SCO1: variants seen among roughly 807,000 people sequenced by gnomAD.
SCO1 encodes synthesis of cytochrome C oxidase 1, also known as cytochrome c oxidase assembly factor SCO1.
SCO1 carries 23 observed loss-of-function variants against 34.0 expected under a neutral mutation model. The observed-to-expected ratio is 0.68, with a 90% CI of 0.49 to 0.96. The LOEUF (loss-of-function observed/expected upper bound fraction) is 0.96. Ranked by LOEUF, SCO1 falls within the 40% of genes least tolerant of loss-of-function variation. The pLI is 0.00. For missense variants in SCO1, 404 were observed against 381.6 expected (o/e 1.06, Z -0.49); for synonymous variants, 161 against 145.5 (o/e 1.11, Z -0.77).
Position 10,679,972 on chromosome 17 carries a change from G to GT in SCO1, c.*1146_*1147insA, listed in dbSNP as rs2074610436. 9.4e-6 allele frequency: 1 copy of GT among 105,892 alleles called. No individual in the cohort carries two copies. The highest frequency in any genetic ancestry group is 1.9e-5 in the Non-Finnish European group (1 of 53,758). 6.6% of individuals were successfully genotyped at this position (105,892 alleles called of 1,614,324 possible). ...TGTAGAGATGGGGGCGGGGGGGGGG[G>GT]GTCTCACTATGTTGCCCAGGCTTGT... On this transcript the variant is annotated 3_prime_UTR_variant, in exon 6 of 6. Transcript: ENST00000255390.
chr17:10,684,538 C>T (rs1273620452), intron 5 of SCO1, among the ~76,000 whole-genome samples: 1 of 152,238 alleles, frequency 6.6e-6, no homozygotes, highest in African/African-American at 2.4e-5. Context: ...GTCAATGTAA[C>T]TGAATGTTTT....
intron 2 of SCO1, 77 bp from the exon 3 acceptor site, chr17:10,693,038 C>T (rs1189599163): frequency 1.6e-6 from 2 of 1,228,178 alleles, no homozygotes; most frequent in African/African-American, 1.5e-5. Context: ...TGACATATGG[C>T]CCGTACTATG....
At chr17:10,685,777 A>G (rs2074651618) in intron 5 of SCO1, among the ~76,000 whole-genome samples, 1 of 152,244 alleles carries the variant, frequency 6.6e-6, no homozygotes, top group South Asian at 2.1e-4. Context: ...TCTTTTTAAA[A>G]TAAGTGTTGT....
Position 10,680,833 on chromosome 17 carries a change from C to T in SCO1, c.*286G>A, listed in dbSNP as rs1374745744. 9 of 484,074 alleles carry T rather than the reference C, an allele frequency of 1.9e-5. No individual in the cohort carries two copies. The highest frequency in any genetic ancestry group is 5.8e-5 in the African/African-American group (3 of 51,358). 30.0% of individuals were successfully genotyped at this position (484,074 alleles called of 1,614,324 possible). A position where few individuals can be genotyped will look rare whatever the true frequency, so the allele number is the denominator to read the frequency against. On this transcript the variant is annotated 3_prime_UTR_variant, in exon 6 of 6. Transcript: ENST00000255390. The stretch of plus-strand genomic sequence containing the variant: ...GGAATGCACTGGCTGTGCCTCGCCC[C>T]GCCATGTCCTTCCACAGGTGGGCTC...
chr17:10,673,510 G>A lies in SCO1; in HGVS notation c.*7609C>T, dbSNP rs753771985. 6.6e-6 allele frequency: 1 copy of A among 152,196 alleles called. No individual in the cohort carries two copies. Among genetic ancestry groups the A allele is most frequent in the East Asian group, 1.9e-4 (1 of 5,196 alleles). 9.4% of individuals were successfully genotyped at this position (152,196 alleles called of 1,614,324 possible). A position where few individuals can be genotyped will look rare whatever the true frequency, so the allele number is the denominator to read the frequency against. On this transcript the variant is annotated 3_prime_UTR_variant, in exon 6 of 6. Coordinates refer to ENST00000255390, the MANE Select transcript of SCO1 (RefSeq NM_004589.4). Reference sequence around the variant, plus strand: ...CTGAACGCTTGCCTGTCTCCGTTAGGAATGGAATGTAATCCTTGCAGGGCT... The same window carrying A: ...CTGAACGCTTGCCTGTCTCCGTTAGAAATGGAATGTAATCCTTGCAGGGCT...
At position 10,695,778 on chromosome 17, in the gene SCO1, C is replaced by T; in HGVS notation, c.327G>A (p.Leu109=). The T allele has an allele frequency of 6.2e-7, 1 of 1,613,690 alleles. No homozygotes were observed. Among genetic ancestry groups the T allele is most frequent in the South Asian group, 1.1e-5 (1 of 91,072 alleles). ...AITFAIGGAL[L]AGMKHVKKEK... is the part of the protein sequence containing the mutation. Reference sequence around the variant, plus strand: ...CTTTCTTGACGTGCTTCATTCCAGCCAGTAAAGCTCCTCCAATAGCAAATG... The same window carrying T: ...CTTTCTTGACGTGCTTCATTCCAGCTAGTAAAGCTCCTCCAATAGCAAATG... Residue 109 remains leucine, a synonymous_variant, in exon 2 of 6, where the codon CTG becomes CTA. Coordinates refer to ENST00000255390, the MANE Select transcript of SCO1 (RefSeq NM_004589.4).
chr17:10,692,294 T>C (rs992290818), intron 3 of SCO1, among the ~76,000 whole-genome samples: 2 of 152,228 alleles, frequency 1.3e-5, no homozygotes, highest in African/African-American at 2.4e-5. Flanking sequence ...CCAGTATCTG[T>C]AGTTTTTTTC....
rs977759280 is a variant in SCO1 at position 10,679,781 on chromosome 17, C to G, written c.*1338G>C. The G allele has an allele frequency of 1.3e-5, 2 of 152,162 alleles. No homozygotes were observed. The highest frequency in any genetic ancestry group is 2.9e-5 in the Non-Finnish European group (2 of 68,022). The allele number at this position is 152,162 out of a possible 1,614,324, so 9.4% of individuals were successfully genotyped here. The stretch of plus-strand genomic sequence containing the variant: ...TAAATTCATTTTAATTTCTGTATCT[C>G]TACATAGATATATCTAGAGGGTCTC... On this transcript the variant is annotated 3_prime_UTR_variant, in exon 6 of 6. Coordinates refer to ENST00000255390, the MANE Select transcript of SCO1 (RefSeq NM_004589.4).
Position 10,695,804 on chromosome 17 carries a change from T to C in SCO1, c.301A>G (p.Thr101Ala). The C allele has an allele frequency of 6.2e-7, 1 of 1,613,416 alleles. No homozygotes were observed. The highest frequency in any genetic ancestry group is 8.5e-7 in the Non-Finnish European group (1 of 1,179,678). The change falls in exon 2 of 6, where the codon ACA (threonine) becomes GCA (alanine). Residue 101 changes from threonine (T) to alanine (A), a missense_variant. By Grantham distance (58) the Thr-to-Ala change is moderately conservative. Coordinates refer to ENST00000255390, the MANE Select transcript of SCO1 (RefSeq NM_004589.4). ...AGTAAAGCTCCTCCAATAGCAAATG[T>C]GATTGCTAAAGACTTCCAGGAAACA... ...GPVSWKSLAI[T>A]FAIGGALLAG...
Position 10,695,762 on chromosome 17 carries a change from C to A in SCO1, c.343G>T (p.Val115Phe). 1 of 1,612,892 alleles carries A rather than the reference C, an allele frequency of 6.2e-7. No individual in the cohort carries two copies. Among genetic ancestry groups the A allele is most frequent in the Non-Finnish European group, 8.5e-7 (1 of 1,179,134 alleles). ...GGALLAGMKH[V>F]KKEKAEKLEK... ...TTACTCTCTGCCTTTTCTTTCTTGACGTGCTTCATTCCAGCCAGTAAAGCT... is the reference window on the plus strand; with the variant it reads ...TTACTCTCTGCCTTTTCTTTCTTGAAGTGCTTCATTCCAGCCAGTAAAGCT... Residue 115 changes from valine (V) to phenylalanine (F), a missense_variant, in exon 2 of 6, where the codon GTC becomes TTC. By Grantham distance (50) the Val-to-Phe change is conservative (BLOSUM62 -1). Transcript: ENST00000255390.
At position 10,688,912 on chromosome 17, in the gene SCO1, C is replaced by T. The variant is rs377397985; in HGVS notation, c.656-2070G>A. ...CGGGCGGATCACGAGGTCAGGAGAT[C>T]GAGACCATCCCGGCTAAAACGGTGA... On this transcript the variant is annotated intron_variant, in intron 4 of 5. Transcript: ENST00000255390. 1.0e-3 allele frequency among the ~76,000 whole-genome samples: 147 copies of T among 141,008 alleles called. 2 individuals are homozygous for T. In the East Asian group the frequency reaches 0.021, roughly 20 times the overall value. 92.5% of individuals were successfully genotyped at this position (141,008 alleles called of 152,430 possible).
At chr17:10,694,411 G>A (rs1361392232) in intron 2 of SCO1, among the ~76,000 whole-genome samples, 1 of 152,058 alleles carries the variant, frequency 6.6e-6, no homozygotes, top group Non-Finnish European at 1.5e-5. Flanking sequence ...AATCCAGCCT[G>A]GGCAACAGGA....
intron 3 of SCO1, 61 bp from the exon 4 acceptor site, chr17:10,692,025 G>T: frequency 8.5e-7 from 1 of 1,180,580 alleles, no homozygotes; most frequent in Non-Finnish European, 1.3e-6. Flanking sequence ...AAGAAAACCA[G>T]CAATAACAGG....
chr17:10,680,774 C>A lies in SCO1; in HGVS notation c.*345G>T. ...GCAAGGGCCCAAGACGATGGAGAGG[C>A]GGCAAAGCTGCTGGGAGGGCCTGTT... On this transcript the variant is annotated 3_prime_UTR_variant, in exon 6 of 6. Transcript: ENST00000255390. 1 of 370,900 alleles carries A rather than the reference C, an allele frequency of 2.7e-6. No homozygotes were observed. The highest frequency in any genetic ancestry group is 5.1e-6 in the Non-Finnish European group (1 of 196,978). 23.0% of individuals were successfully genotyped at this position (370,900 alleles called of 1,614,324 possible). A position where few individuals can be genotyped will look rare whatever the true frequency, so the allele number is the denominator to read the frequency against.
At chr17:10,696,076 A>T (rs927221446) in intron 1 of SCO1, among the ~76,000 whole-genome samples, 15 of 148,464 alleles carry the variant, frequency 1.0e-4, no homozygotes, top group African/African-American at 2.0e-4. Context: ...GTAAATAAAA[A>T]AAAAAAAAAA....
chr17:10,687,838 T>G (rs1276968877), intron 4 of SCO1, among the ~76,000 whole-genome samples: 1 of 152,212 alleles, frequency 6.6e-6, no homozygotes, highest in Admixed American at 6.5e-5. Context: ...GTACAGCAAC[T>G]CGAATGTCTA....
At position 10,691,927 on chromosome 17, in the gene SCO1, G is replaced by A. The variant is rs752669906; in HGVS notation, c.600C>T (p.Phe200=). 1.2e-6 allele frequency: 2 copies of A among 1,613,716 alleles called. No individual in the cohort carries two copies. The highest frequency in any genetic ancestry group is 1.1e-5 in the South Asian group (1 of 91,082). The change falls in exon 4 of 6, where the codon TTC becomes TTT. Residue 200 remains phenylalanine (F), a synonymous_variant. Transcript: ENST00000255390. ...TGTCCCTCTCTGGGTCAATGCTGAT[G>A]AAAAGTGGAGTTAGATCTGGCAGAG... The part of the protein sequence containing the change: ...ITTLPDLTPL[F]ISIDPERDTK...
At chr17:10,691,762 T>C (rs1374655939) in intron 4 of SCO1, 110 bp downstream of exon 4, 1 of 723,766 alleles carries the variant, frequency 1.4e-6, no homozygotes, top group Non-Finnish European at 2.5e-6. Flanking sequence ...CCCATAAAAC[T>C]GGTGATAATA....
chr17:10,695,926 A>C, intron 1 of SCO1, 95 bp from the exon 2 acceptor site: 1 of 879,170 alleles, frequency 1.1e-6, no homozygotes, highest in East Asian at 2.5e-5. Context: ...ATACATACAC[A>C]CAGGCCATGA....
Sources: gnomAD v4.1 joint callset for allele counts (sites outside exome capture counted in the v4.1 genomes callset) on GRCh38, gnomAD v4.1.1 for gene constraint, MANE v1.5 for transcripts, NCBI Gene and HGNC (gene_info 2026-07-23, HGNC 2026-07-21) for gene names.